The following USP9X variants were observed in gnomAD, a reference collection of about 807,000 sequenced individuals.
USP9X encodes ubiquitin carboxyl-terminal hydrolase 9X.
Under a neutral mutation model 190.3 loss-of-function variants are expected in USP9X, and 7 were observed. That is an observed-to-expected ratio of 0.04 (90% CI 0.02 to 0.07). USP9X has a LOEUF of 0.07. USP9X is among the 10% of genes least tolerant of loss of function. The probability of loss-of-function intolerance (pLI) is 1.00; values close to 1 mark genes in which losing one functional copy is unlikely to be tolerated. For missense variants in USP9X, 1,010 were observed against 1,916.9 expected (o/e 0.53, Z 8.83); for synonymous variants, 645 against 659.5 (o/e 0.98, Z 0.34).
chrX:41,160,584 A>G (rs1281305385), intron 14 of USP9X, among the ~76,000 whole-genome samples: 1 of 111,497 alleles, frequency 9.0e-6, no homozygotes, highest in Non-Finnish European at 1.9e-5. Flanking sequence ...CATAGCCTCA[A>G]AGTCTCTCTC....
chrX:41,166,403 T>G (rs1337164278), intron 16 of USP9X, among the ~76,000 whole-genome samples, 189 bp downstream of exon 16: 1 of 111,867 alleles, frequency 8.9e-6, no homozygotes, highest in Non-Finnish European at 1.9e-5. Flanking sequence ...TTCCTCTCCC[T>G]CCTCCTGCCA....
At chrX:41,190,611 T>G (rs2267494) in intron 26 of USP9X, among the ~76,000 whole-genome samples, 8 of 111,647 alleles carry the variant, frequency 7.2e-5, no homozygotes, top group African/African-American at 2.6e-4. Context: ...GTTTTAATGA[T>G]GTCAAACCTG....
intron 44 of USP9X, among the ~76,000 whole-genome samples, chrX:41,231,634 G>A (rs2063360042): frequency 9.3e-6 from 1 of 108,078 alleles, no homozygotes; most frequent in African/African-American, 3.4e-5. Context: ...GGAGGCTGAG[G>A]CAAGAGAATC....
In USP9X at chrX:41,229,277, T is replaced by G; in HGVS notation, c.7086T>G (p.Ile2362Met). The change falls in exon 42 of 45, where the codon ATT becomes ATG. Residue 2362 changes from isoleucine (I) to methionine (M), a missense_variant. Ile to Met is a conservative substitution (Grantham distance 10). This residue lies in a region of USP9X where 121 missense variants were observed against 281.2 expected (regional missense o/e 0.43). Transcript: ENST00000378308. ...GAATTCATAATGCACTGAAAGGAAT[T>G]CCAGATGACCGAGATGGGCTGTTTG... ...THRIHNALKG[I>M]PDDRDGLFDT... 1 of 1,189,253 alleles carries G rather than the reference T, an allele frequency of 8.4e-7. No individual in the cohort carries two copies. The highest frequency in any genetic ancestry group is 1.1e-6 in the Non-Finnish European group (1 of 887,087).
intron 26 of USP9X, among the ~76,000 whole-genome samples, chrX:41,192,350 T>G (rs1316275708): frequency 8.9e-6 from 1 of 112,188 alleles, no homozygotes; most frequent in East Asian, 2.8e-4. Context: ...TGTTAGATGG[T>G]CTGCTTCCAC....
chrX:41,092,382 C>A (rs193136107), intron 1 of USP9X, among the ~76,000 whole-genome samples: 2 of 111,336 alleles, frequency 1.8e-5, no homozygotes, highest in Non-Finnish European at 1.9e-5. Context: ...TAAGGCCGCT[C>A]ATTATTAACT....
intron 30 of USP9X, among the ~76,000 whole-genome samples, chrX:41,199,200 A>T (rs1262534484): frequency 9.0e-6 from 1 of 110,820 alleles, no homozygotes; most frequent in East Asian, 2.8e-4. Flanking sequence ...AAAAGAAAAG[A>T]AAAGAAAAGA....
At position 41,099,106 on chromosome X, in the gene USP9X, T is replaced by TTTTTTG. The variant is rs2062016769; in HGVS notation, c.-159+13002_-159+13003insGTTTTT. On this transcript the variant is annotated intron_variant, in intron 1 of 44. Coordinates refer to ENST00000378308, the MANE Select transcript of USP9X (RefSeq NM_001039591.3). ...AATGCCCAGATAATTGTTTTTTTTT[T>TTTTTTG]TTTTTTTTTTTTTTTTAAACAGAGA... 3.4e-5 allele frequency among the ~76,000 whole-genome samples: 3 copies of TTTTTTG among 88,293 alleles called. 1 individual carries two copies. The highest frequency in any genetic ancestry group is 1.3e-4 in the African/African-American group (3 of 23,067). The allele number at this position is 88,293 out of a possible 115,157, so 76.7% of individuals were successfully genotyped here. A position where few individuals can be genotyped will look rare whatever the true frequency, so the allele number is the denominator to read the frequency against.
At chrX:41,231,636 A>G (rs1359505349) in intron 44 of USP9X, among the ~76,000 whole-genome samples, 1 of 108,707 alleles carries the variant, frequency 9.2e-6, no homozygotes, top group Non-Finnish European at 1.9e-5. Flanking sequence ...AGGCTGAGGC[A>G]AGAGAATCTC....
rs3761593 is a variant in USP9X at position 41,123,388 on chromosome X, C to T, written c.-158-83C>T. On this transcript the variant is annotated intron_variant, in intron 1 of 44. Coordinates refer to ENST00000378308, the MANE Select transcript of USP9X (RefSeq NM_001039591.3). ...AGCCCCTTTTTCCTGATTAGATTCA[C>T]TGGTGATACTAAATTCGAACAGTTC... 0.12 allele frequency: 41,128 copies of T among 344,573 alleles called. 2,180 individuals are homozygous for T. The highest frequency in any genetic ancestry group is 0.23 in the East Asian group (4,093 of 18,089). The allele number at this position is 344,573 out of a possible 1,213,427, so 28.4% of individuals were successfully genotyped here. A position where few individuals can be genotyped will look rare whatever the true frequency, so the allele number is the denominator to read the frequency against.
chrX:41,094,787 C>A (rs747186629), intron 1 of USP9X, among the ~76,000 whole-genome samples: 2 of 109,535 alleles, frequency 1.8e-5, no homozygotes, highest in East Asian at 5.8e-4. Context: ...CCCTGTAATC[C>A]CAGCACTTTG....
chrX:41,199,251 T>A (rs1016471262), intron 30 of USP9X, among the ~76,000 whole-genome samples: 2 of 111,903 alleles, frequency 1.8e-5, no homozygotes, highest in African/African-American at 6.5e-5. Flanking sequence ...CCACCTTGTA[T>A]AGAAAAAAAT....
At chrX:41,158,273 G>A (rs761345195) in intron 14 of USP9X, among the ~76,000 whole-genome samples, 1 of 111,436 alleles carries the variant, frequency 9.0e-6, no homozygotes, top group Non-Finnish European at 1.9e-5. Flanking sequence ...TAGGGTAAAT[G>A]CAAAGAGCCC....
chrX:41,228,723 ATAAGT>A (rs1312054960), intron 41 of USP9X, among the ~76,000 whole-genome samples: 1 of 105,376 alleles, frequency 9.5e-6, no homozygotes, highest in African/African-American at 3.6e-5. Context: ...TGGACTGGTA[ATAAGT>A]TAGTAAGAGC....
At chrX:41,173,992 T>A (rs944735540) in intron 21 of USP9X, among the ~76,000 whole-genome samples, 2 of 112,066 alleles carry the variant, frequency 1.8e-5, no homozygotes, top group Non-Finnish European at 3.8e-5. Context: ...TACTGTACCC[T>A]TTCTATGTTT....
At chrX:41,131,580 A>T (rs765731828) in intron 4 of USP9X, 44 bp downstream of exon 4, 4 of 1,106,187 alleles carry the variant, frequency 3.6e-6, no homozygotes, top group Non-Finnish European at 4.9e-6. Context: ...ATGCTACTAG[A>T]TGTATTTTTA....
At chrX:41,199,153 C>T (rs1346434702) in intron 30 of USP9X, among the ~76,000 whole-genome samples, 1 of 108,836 alleles carries the variant, frequency 9.2e-6, no homozygotes, top group Admixed American at 9.8e-5. Flanking sequence ...CACTGCACTC[C>T]ATCCTGGGTG....
At chrX:41,100,880 C>T (rs986125679) in intron 1 of USP9X, among the ~76,000 whole-genome samples, 5 of 110,461 alleles carry the variant, frequency 4.5e-5, no homozygotes, top group African/African-American at 6.6e-5. Flanking sequence ...CTCCTGACCT[C>T]AGGTGATCCA....
chrX:41,207,633 T>C (rs749255240), intron 32 of USP9X, among the ~76,000 whole-genome samples: 1 of 111,478 alleles, frequency 9.0e-6, no homozygotes, highest in Non-Finnish European at 1.9e-5. Flanking sequence ...AGGGGTATAA[T>C]TCTTTATAGC....
Sources: gnomAD v4.1 joint callset for allele counts (sites outside exome capture counted in the v4.1 genomes callset) on GRCh38, gnomAD v4.1.1 for gene constraint, gnomAD v4.1.1 regional missense constraint, MANE v1.5 for transcripts, NCBI Gene and HGNC (gene_info 2026-07-23, HGNC 2026-07-21) for gene names.